The following ZNF18 variants were observed in gnomAD, a reference collection of about 807,000 sequenced individuals.
The protein encoded by ZNF18 is zinc finger protein 18.
A neutral mutation model predicts 58.1 loss-of-function variants in ZNF18; 42 were observed. The observed-to-expected ratio is 0.72, with a 90% CI of 0.56 to 0.93. The LOEUF (loss-of-function observed/expected upper bound fraction) is 0.93, where lower values mean the gene tolerates loss of function less well. ZNF18 is among the 40% of genes least tolerant of loss of function. ZNF18 has a pLI of 0.00. For synonymous variants in ZNF18, 231 were observed against 239.8 expected (o/e 0.96, Z 0.34); for missense variants, 540 against 644.2 (o/e 0.84, Z 1.75).
the ZNF18 span, chr17:12,021,445 C>T: frequency 6.6e-6 from 1 of 151,936 alleles, no homozygotes; most frequent in African/African-American, 2.4e-5. Flanking sequence ...AAGACAGCGG[C>T]CCCGGCCGGC....
At chr17:11,989,610 C>T (rs941564413) in intron 4 of ZNF18, among the ~76,000 whole-genome samples, 1 of 152,072 alleles carries the variant, frequency 6.6e-6, no homozygotes, top group Non-Finnish European at 1.5e-5. Context: ...AGATTAACAG[C>T]AGATTAGATG....
At chr17:12,004,008 G>A in the ZNF18 span, among the ~76,000 whole-genome samples, 11 of 152,124 alleles carry the variant, frequency 7.2e-5, no homozygotes, top group Non-Finnish European at 2.9e-5. Flanking sequence ...TGAGGCGGGC[G>A]GATCACAAGG....
chr17:12,016,589 C>G, the ZNF18 span, among the ~76,000 whole-genome samples: 247 of 150,740 alleles, frequency 1.6e-3, no homozygotes, highest in African/African-American at 5.8e-3. Flanking sequence ...CTTGGCCTCC[C>G]AAAGTGCTAG....
chr17:11,999,259 A>G (rs1968616935), upstream of ZNF18, among the ~76,000 whole-genome samples: 1 of 152,210 alleles, frequency 6.6e-6, no homozygotes, highest in African/African-American at 2.4e-5. Context: ...AATCTGATGG[A>G]AGGTAAAATT....
chr17:11,986,667 T>G (rs1967759871), intron 4 of ZNF18, among the ~76,000 whole-genome samples: 1 of 152,226 alleles, frequency 6.6e-6, no homozygotes. Context: ...AATAATCACT[T>G]GAGCAAACAT....
upstream of ZNF18, among the ~76,000 whole-genome samples, chr17:11,997,901 C>T (rs746142398): frequency 1.3e-5 from 2 of 152,162 alleles, no homozygotes; most frequent in African/African-American, 2.4e-5. Flanking sequence ...ACTGGGCCTC[C>T]CTGAGACACT....
chr17:12,020,792 C>A, the ZNF18 span: 1 of 516,862 alleles, frequency 1.9e-6, no homozygotes, highest in Non-Finnish European at 2.9e-6. Flanking sequence ...GAGGCGGGGC[C>A]AAGGCGGGGG....
chr17:12,007,313 T>A, the ZNF18 span, among the ~76,000 whole-genome samples: 1 of 152,210 alleles, frequency 6.6e-6, no homozygotes, highest in Admixed American at 6.5e-5. Context: ...CTTTATCTCA[T>A]TAGCCAGGGA....
chr17:11,984,456 T>C (rs1279767794), intron 4 of ZNF18, among the ~76,000 whole-genome samples: 1 of 152,128 alleles, frequency 6.6e-6, no homozygotes, highest in African/African-American at 2.4e-5. Context: ...AGGTGAATTA[T>C]TTAAAAGTGG....
intron 6 of ZNF18, among the ~76,000 whole-genome samples, chr17:11,979,196 C>A (rs1386798600): frequency 6.6e-6 from 1 of 151,460 alleles, no homozygotes; most frequent in Non-Finnish European, 1.5e-5. Flanking sequence ...ATCTTACTAC[C>A]CAGAGATAAC....
At chr17:11,992,342 C>G (rs1417450947) in intron 2 of ZNF18, 101 bp downstream of exon 2, 4 of 1,459,164 alleles carry the variant, frequency 2.7e-6, no homozygotes, top group Non-Finnish European at 3.7e-6. Flanking sequence ...AAGCCCCACC[C>G]ATTTTGTGTC....
chr17:11,993,982 A>G (rs1968308988), intron 1 of ZNF18, among the ~76,000 whole-genome samples: 3 of 152,178 alleles, frequency 2.0e-5, no homozygotes, highest in Admixed American at 2.0e-4. Flanking sequence ...TTAAATCGCA[A>G]ATAATATTAT....
rs185480284 is a variant in ZNF18, at chr17:11,990,879, G to A, written c.577+95C>T. 571 of 1,361,936 alleles carry A rather than the reference G, an allele frequency of 4.2e-4. 4 individuals carry two copies. The highest frequency in any genetic ancestry group is 1.2e-3 in the East Asian group (52 of 43,408). 84.4% of individuals were successfully genotyped at this position (1,361,936 alleles called of 1,614,324 possible). On this transcript the variant is annotated intron_variant, in intron 3 of 6. Coordinates refer to ENST00000580306, the MANE Select transcript of ZNF18 (RefSeq NM_001303281.2). Reference sequence around the variant, plus strand: ...CTGTTTGCAAACCTCTCAGGGATACGCCAATCTGAGCAGCATACCATTTCA... The same window carrying A: ...CTGTTTGCAAACCTCTCAGGGATACACCAATCTGAGCAGCATACCATTTCA...
chr17:12,008,350 T>A, the ZNF18 span, among the ~76,000 whole-genome samples: 1 of 152,136 alleles, frequency 6.6e-6, no homozygotes, highest in Non-Finnish European at 1.5e-5. Context: ...AGTCTGACCA[T>A]CCCATTATTA....
chr17:11,981,514 C>A (rs1414063350), intron 6 of ZNF18, among the ~76,000 whole-genome samples: 1 of 143,218 alleles, frequency 7.0e-6, no homozygotes. Flanking sequence ...TTTGTAGAGA[C>A]AGGAACCTAT....
At position 11,979,088 on chromosome 17, in the gene ZNF18, T is replaced by C. The variant is rs755674212; in HGVS notation, c.863-344A>G. On this transcript the variant is annotated intron_variant, in intron 6 of 6. Transcript: ENST00000580306. Reference sequence around the variant, plus strand: ...TTATAGGCAACTACTGCTTTTAAAGTGATTTTTATCTGATTATATATAAAA... The same window carrying C: ...TTATAGGCAACTACTGCTTTTAAAGCGATTTTTATCTGATTATATATAAAA... 1.0e-3 allele frequency among the ~76,000 whole-genome samples: 156 copies of C among 151,578 alleles called. 1 individual carries two copies. The highest frequency in any genetic ancestry group is 1.6e-3 in the Non-Finnish European group (111 of 67,896).
chr17:11,990,607 G>A, intron 3 of ZNF18, 57 bp from the exon 4 acceptor site: 2 of 1,377,758 alleles, frequency 1.5e-6, no homozygotes, highest in East Asian at 2.4e-5. Flanking sequence ...CCACTCCCCA[G>A]AGGGCGCAGA....
chr17:12,019,195 C>T, the ZNF18 span, among the ~76,000 whole-genome samples: 1 of 151,964 alleles, frequency 6.6e-6, no homozygotes, highest in South Asian at 2.1e-4. Flanking sequence ...AACTCCTGAC[C>T]TCACGTAATC....
At chr17:11,979,846 C>T (rs1321244779) in intron 6 of ZNF18, among the ~76,000 whole-genome samples, 6 of 152,032 alleles carry the variant, frequency 3.9e-5, no homozygotes, top group Non-Finnish European at 8.8e-5. Flanking sequence ...GGTACTTTCT[C>T]GTGTTTTTAA....
Sources: allele counts gnomAD v4.1 joint callset (sites outside exome capture counted in the v4.1 genomes callset), GRCh38; gene constraint gnomAD v4.1.1; transcripts MANE v1.5; gene names NCBI Gene and HGNC (gene_info 2026-07-23, HGNC 2026-07-21).